PXK: variants seen among roughly 807,000 people sequenced by gnomAD.
PXK encodes the protein PX domain containing serine/threonine kinase like.
A neutral mutation model predicts 84.7 loss-of-function variants in PXK; 35 were observed. That is an observed-to-expected ratio of 0.41 (90% CI 0.32 to 0.55). The LOEUF is 0.55. Ranked by LOEUF, PXK falls within the 20% of genes least tolerant of loss-of-function variation. The pLI, the probability that PXK is intolerant of heterozygous loss-of-function variation, is 0.21. For missense variants in PXK, 634 were observed against 699.7 expected (o/e 0.91, Z 1.06); for synonymous variants, 253 against 260.8 (o/e 0.97, Z 0.29).
chr3:58,346,722 A>G (rs979773357), intron 1 of PXK, among the ~76,000 whole-genome samples: 3 of 150,512 alleles, frequency 2.0e-5, no homozygotes, highest in South Asian at 2.1e-4. Context: ...CAGTAGCGTG[A>G]TCTTGGCTCA....
intron 6 of PXK, among the ~76,000 whole-genome samples, chr3:58,391,479 G>A (rs1422420316): frequency 7.3e-6 from 1 of 137,912 alleles, no homozygotes; most frequent in Non-Finnish European, 1.5e-5. Context: ...TCTCTTTAGG[G>A]TTTATAGTTT....
rs958022475 is a variant in PXK at position 58,401,796 on chromosome 3, G to A, written c.1182-2066G>A. 6.6e-6 allele frequency among the ~76,000 whole-genome samples: 1 copy of A among 152,048 alleles called. No individual in the cohort carries two copies. Among genetic ancestry groups the A allele is most frequent in the South Asian group, 2.1e-4 (1 of 4,828 alleles). On this transcript the variant is annotated intron_variant, in intron 12 of 17. Transcript: ENST00000356151. The surrounding 1 kb of genome is among the most constrained non-coding windows in gnomAD (Gnocchi z 4.4). ...AAAAAAATTAGCCGAGCGTGGTGGC[G>A]GGCGTCTGTAGTCCCAGCTACCCAG...
At chr3:58,354,499 T>G (rs1469355303) in intron 1 of PXK, among the ~76,000 whole-genome samples, 3 of 150,318 alleles carry the variant, frequency 2.0e-5, no homozygotes, top group Non-Finnish European at 4.4e-5. Context: ...CAGGCTGGAG[T>G]GCAGTGGCCT....
rs1161642867 is a variant in PXK, at chr3:58,364,204, T to C, written c.103-1670T>C. 2.6e-5 allele frequency among the ~76,000 whole-genome samples: 4 copies of C among 152,214 alleles called. No homozygotes were observed. In the East Asian group the frequency reaches 7.7e-4, roughly 29 times the overall value. On this transcript the variant is annotated intron_variant, in intron 1 of 17. Coordinates refer to ENST00000356151, the MANE Select transcript of PXK (RefSeq NM_017771.5). The surrounding 1 kb of genome is among the most constrained non-coding windows in gnomAD (Gnocchi z 4.3). The stretch of plus-strand genomic sequence containing the variant: ...GGTATTGATCTATAGTTCTCTTTTT[T>C]GTACTGTCTTTGGTTTTGGGACCTG...
intron 4 of PXK, among the ~76,000 whole-genome samples, chr3:58,382,991 G>A (rs1239671952): frequency 3.3e-5 from 5 of 152,190 alleles, no homozygotes; most frequent in South Asian, 2.1e-4. Context: ...ACAGAACAGA[G>A]AGTAAGTAAT....
chr3:58,397,488 C>T lies in PXK; in HGVS notation c.985-117C>T. On this transcript the variant is annotated intron_variant, in intron 10 of 17. Coordinates refer to ENST00000356151, the MANE Select transcript of PXK (RefSeq NM_017771.5). This position sits in a 1 kb window ranked among gnomAD's most constrained non-coding sequence, Gnocchi z 4.7. The stretch of plus-strand genomic sequence containing the variant: ...GGCTTTGGAGTTGCATTTACGTTAC[C>T]AATTAGGAACGGGGCTATCCCTGGG... 1 of 923,798 alleles carries T rather than the reference C, an allele frequency of 1.1e-6. No individual in the cohort carries two copies. Among genetic ancestry groups the T allele is most frequent in the Non-Finnish European group, 1.7e-6 (1 of 572,594 alleles). 57.2% of individuals were successfully genotyped at this position (923,798 alleles called of 1,614,324 possible). A position where few individuals can be genotyped will look rare whatever the true frequency, so the allele number is the denominator to read the frequency against.
chr3:58,407,184 C>G lies in PXK; in HGVS notation c.1231-1740C>G, dbSNP rs574453212. Among the ~76,000 whole-genome samples the G allele has an allele frequency of 1.4e-4, 22 of 152,290 alleles. No individual in the cohort carries two copies. The South Asian group carries it at 4.6e-3, about 32-fold the overall frequency. ...ACTCTACATTTCCACCAGCAGTGTA[C>G]AAGGGCTTCAGTTTCTCCACATTCT... On this transcript the variant is annotated intron_variant, in intron 13 of 17. Transcript: ENST00000356151. The surrounding 1 kb of genome is among the most constrained non-coding windows in gnomAD (Gnocchi z 4.3).
rs923006395 is a variant in PXK, at chr3:58,390,224, C to T, written c.389-358C>T. The stretch of plus-strand genomic sequence containing the variant: ...AACAAAAGAAGTTGCAATGATAGTA[C>T]AGAAAATTGCCATATACTTCTCACC... On this transcript the variant is annotated intron_variant, in intron 4 of 17. Transcript: ENST00000356151. The surrounding 1 kb of genome is among the most constrained non-coding windows in gnomAD (Gnocchi z 4.2). 6.6e-6 allele frequency among the ~76,000 whole-genome samples: 1 copy of T among 151,906 alleles called. No homozygotes were observed. The highest frequency in any genetic ancestry group is 2.4e-5 in the African/African-American group (1 of 41,364).
rs1226792046 is a variant in PXK at position 58,425,519 on chromosome 3, G to A, written c.*559G>A. The A allele has an allele frequency of 1.9e-5, 3 of 154,892 alleles. No homozygotes were observed. Among genetic ancestry groups the A allele is most frequent in the African/African-American group, 7.2e-5 (3 of 41,452 alleles). 9.6% of individuals were successfully genotyped at this position (154,892 alleles called of 1,614,324 possible). On this transcript the variant is annotated 3_prime_UTR_variant, in exon 18 of 18. Transcript: ENST00000356151. ...TTGTTTTCTCCTCAAATAGAATGGG[G>A]AACGTTCACAACATTCTCTTAAGTT...
chr3:58,383,920 C>T lies in PXK; in HGVS notation c.388+1220C>T, dbSNP rs1184262973. 6.6e-6 allele frequency among the ~76,000 whole-genome samples: 1 copy of T among 152,096 alleles called. No individual in the cohort carries two copies. Among genetic ancestry groups the T allele is most frequent in the Non-Finnish European group, 1.5e-5 (1 of 68,020 alleles). On this transcript the variant is annotated intron_variant, in intron 4 of 17. Coordinates refer to ENST00000356151, the MANE Select transcript of PXK (RefSeq NM_017771.5). The surrounding 1 kb of genome is among the most constrained non-coding windows in gnomAD (Gnocchi z 4.0). ...ATTTTATTCCTTTTATTTATTTATTCATACCCATTCATTCACCAAAATATT... is the reference window on the plus strand; with the variant it reads ...ATTTTATTCCTTTTATTTATTTATTTATACCCATTCATTCACCAAAATATT...
intron 4 of PXK, among the ~76,000 whole-genome samples, chr3:58,388,820 T>A (rs941417471): frequency 6.6e-6 from 1 of 152,146 alleles, no homozygotes; most frequent in Non-Finnish European, 1.5e-5. Flanking sequence ...TTTGCCAAGC[T>A]CTTGACATGT....
Position 58,382,507 on chromosome 3 carries a change from TTTA to T in PXK, c.202-6_202-4del, listed in dbSNP as rs1183491857. 4 of 1,524,072 alleles carry T rather than the reference TTTA, an allele frequency of 2.6e-6. No individual in the cohort carries two copies. The highest frequency in any genetic ancestry group is 2.4e-5 in the Admixed American group (1 of 41,678). The allele number at this position is 1,524,072 out of a possible 1,614,324, so 94.4% of individuals were successfully genotyped here. On this transcript the variant is annotated splice_polypyrimidine_tract_variant and splice_region_variant and intron_variant, in intron 3 of 17. Coordinates refer to ENST00000356151, the MANE Select transcript of PXK (RefSeq NM_017771.5). Reference sequence around the variant, plus strand: ...ATGAGTGTAACTTTTTTTTTTTTTTTTTAAAGATTGCAGGCCTAAGTCTACCTC... The same window carrying T: ...ATGAGTGTAACTTTTTTTTTTTTTTTAAGATTGCAGGCCTAAGTCTACCTC...
intron 17 of PXK, chr3:58,420,840 C>CA: frequency 7.8e-7 from 1 of 1,279,368 alleles, no homozygotes; most frequent in Admixed American, 3.8e-5. Flanking sequence ...ACCTGCAAAT[C>CA]AACTGCATGG....
At chr3:58,342,391 A>G (rs2097752525) in intron 1 of PXK, among the ~76,000 whole-genome samples, 1 of 151,076 alleles carries the variant, frequency 6.6e-6, no homozygotes, top group African/African-American at 2.4e-5. Flanking sequence ...GCCTGTAATC[A>G]TAGCACTTTG....
chr3:58,399,435 C>G lies in PXK; in HGVS notation c.1181+58C>G, dbSNP rs1201735984. ...GATAACTATGTTGAACACCAGACCA[C>G]TGTGTCCAAGCACCTGGTACTGTAG... is the stretch of plus-strand genomic sequence containing the variant. On this transcript the variant is annotated intron_variant, in intron 12 of 17. Coordinates refer to ENST00000356151, the MANE Select transcript of PXK (RefSeq NM_017771.5). This position sits in a 1 kb window ranked among gnomAD's most constrained non-coding sequence, Gnocchi z 4.3. 2 of 1,517,218 alleles carry G rather than the reference C, an allele frequency of 1.3e-6. No individual in the cohort carries two copies. Among genetic ancestry groups the G allele is most frequent in the Non-Finnish European group, 1.8e-6 (2 of 1,096,590 alleles). 94.0% of individuals were successfully genotyped at this position (1,517,218 alleles called of 1,614,324 possible).
intron 1 of PXK, among the ~76,000 whole-genome samples, chr3:58,341,528 C>T (rs1050565993): frequency 6.6e-6 from 1 of 152,060 alleles, no homozygotes; most frequent in African/African-American, 2.4e-5. Context: ...TGCCACTGCA[C>T]TGCATCCTGG....
intron 16 of PXK, among the ~76,000 whole-genome samples, 166 bp downstream of exon 16, chr3:58,410,325 C>T (rs1443553466): frequency 1.3e-5 from 2 of 152,160 alleles, no homozygotes; most frequent in African/African-American, 4.8e-5. Context: ...CAACAGTATT[C>T]GTAGGCTTAC....
Position 58,414,886 on chromosome 3 carries a change from CA to C in PXK, c.1528+1925del, listed in dbSNP as rs1300632630. On this transcript the variant is annotated intron_variant, in intron 17 of 17. Transcript: ENST00000356151. This position sits in a 1 kb window ranked among gnomAD's most constrained non-coding sequence, Gnocchi z 4.5. ...ATTTCAGGCCCTAAGCATTTCAACCCAAGGGAGTTTATTCATTTAAGAATAA... is the reference window on the plus strand; with the variant it reads ...ATTTCAGGCCCTAAGCATTTCAACCCAGGGAGTTTATTCATTTAAGAATAA... 1.3e-5 allele frequency among the ~76,000 whole-genome samples: 2 copies of C among 152,108 alleles called. No homozygotes were observed. Among genetic ancestry groups the C allele is most frequent in the African/African-American group, 4.8e-5 (2 of 41,410 alleles).
chr3:58,384,466 A>T (rs894394843), intron 4 of PXK, among the ~76,000 whole-genome samples: 2 of 134,448 alleles, frequency 1.5e-5, no homozygotes, highest in Non-Finnish European at 3.2e-5. Flanking sequence ...TGTTACAAGG[A>T]TTCCATTCCT....
Sources: allele counts gnomAD v4.1 joint callset (sites outside exome capture counted in the v4.1 genomes callset), GRCh38; gene constraint gnomAD v4.1.1; non-coding constraint Gnocchi (gnomAD v3.1); transcripts MANE v1.5; gene names NCBI Gene and HGNC (gene_info 2026-07-23, HGNC 2026-07-21).